The following CALN1 variants were observed in gnomAD, a reference collection of about 807,000 sequenced individuals.
CALN1 encodes calcium-binding protein 8.
A neutral mutation model predicts 30.6 loss-of-function variants in CALN1; 17 were observed. That is an observed-to-expected ratio of 0.56 (90% CI 0.38 to 0.83). The LOEUF (loss-of-function observed/expected upper bound fraction) is 0.83. Ranked by LOEUF, CALN1 falls within the 40% of genes least tolerant of loss-of-function variation. CALN1 has a pLI of 0.00. For synonymous variants in CALN1, 156 were observed against 131.4 expected (o/e 1.19, Z -1.28); for missense variants, 291 against 354.9 (o/e 0.82, Z 1.45).
intron 4 of CALN1, among the ~76,000 whole-genome samples, chr7:72,041,332 G>T (rs999622057): frequency 6.6e-6 from 1 of 152,034 alleles, no homozygotes; most frequent in Non-Finnish European, 1.5e-5. Flanking sequence ...TGGAGTGAGG[G>T]GATGGGGGTG....
chr7:72,007,527 A>G (rs1196796953), intron 5 of CALN1, among the ~76,000 whole-genome samples: 1 of 152,224 alleles, frequency 6.6e-6, no homozygotes, highest in Non-Finnish European at 1.5e-5. Flanking sequence ...AGCCTGGGCA[A>G]GAGAGCGAGA....
intron 4 of CALN1, among the ~76,000 whole-genome samples, chr7:72,098,884 C>T (rs1440982403): frequency 6.6e-6 from 1 of 151,844 alleles, no homozygotes; most frequent in Non-Finnish European, 1.5e-5. Context: ...CATTCTGTCC[C>T]CTGGGAATGT....
At chr7:72,206,691 G>GA (rs554145187) in intron 3 of CALN1, among the ~76,000 whole-genome samples, 128 of 151,256 alleles carry the variant, frequency 8.5e-4, no homozygotes, top group African/African-American at 2.2e-3. Context: ...TGTTTTCAAA[G>GA]AAAAAAAAAT....
Position 72,313,337 on chromosome 7 carries a change from CAAT to C in CALN1, c.120-34530_120-34528del, listed in dbSNP as rs1268372950. On this transcript the variant is annotated intron_variant, in intron 2 of 6. Transcript: ENST00000395275. Reference sequence around the variant, plus strand: ...CGAAAAAACATTTGGAAAAAAATAACAATAAAGTTACATCCCTATATCCTACCA... The same window carrying C: ...CGAAAAAACATTTGGAAAAAAATAACAAAGTTACATCCCTATATCCTACCA... Among the ~76,000 whole-genome samples, 9 of 151,960 alleles carry C rather than the reference CAAT, an allele frequency of 5.9e-5. No homozygotes were observed. The East Asian group carries it at 9.6e-4, about 16-fold the overall frequency.
chr7:72,378,278 T>C (rs1278206741), intron 2 of CALN1, among the ~76,000 whole-genome samples: 1 of 152,214 alleles, frequency 6.6e-6, no homozygotes, highest in Non-Finnish European at 1.5e-5. Flanking sequence ...ACATGTGGGC[T>C]ATCATTTCAA....
At chr7:72,336,292 G>A (rs770118507) in intron 2 of CALN1, among the ~76,000 whole-genome samples, 7 of 152,048 alleles carry the variant, frequency 4.6e-5, no homozygotes, top group Non-Finnish European at 1.0e-4. Flanking sequence ...GCGGCTCCGA[G>A]TCCCCTGCCC....
intron 3 of CALN1, among the ~76,000 whole-genome samples, chr7:72,155,182 C>T (rs549750793): frequency 5.9e-4 from 90 of 152,312 alleles, no homozygotes; most frequent in African/African-American, 1.9e-3. Context: ...TGACCATCTG[C>T]AAGGCAGAAA....
At chr7:72,409,516 T>C (rs1036625868) in intron 1 of CALN1, among the ~76,000 whole-genome samples, 2 of 150,000 alleles carry the variant, frequency 1.3e-5, no homozygotes, top group East Asian at 2.1e-4. Flanking sequence ...CCAACCTCAT[T>C]ATTTCAGCGT....
intron 1 of CALN1, among the ~76,000 whole-genome samples, chr7:72,440,036 G>T (rs370425834): frequency 1.1e-4 from 17 of 152,144 alleles, no homozygotes; most frequent in Admixed American, 7.9e-4. Flanking sequence ...TATTCTTTTC[G>T]AATTAAATGC....
At chr7:72,061,196 T>C (rs1803623248) in intron 4 of CALN1, among the ~76,000 whole-genome samples, 2 of 152,124 alleles carry the variant, frequency 1.3e-5, no homozygotes, top group South Asian at 4.1e-4. Context: ...AGAGCCGGGA[T>C]CTCATAACGT....
At position 72,320,755 on chromosome 7, in the gene CALN1, A is replaced by G. The variant is rs1328977856; in HGVS notation, c.120-41945T>C. Among the ~76,000 whole-genome samples, 4 of 147,092 alleles carry G rather than the reference A, an allele frequency of 2.7e-5. No homozygotes were observed. The Admixed American group carries it at 2.9e-4, about 11-fold the overall frequency. On this transcript the variant is annotated intron_variant, in intron 2 of 6. Transcript: ENST00000395275. ...GAGCCTGAGACAGGAGAATTGCTTG[A>G]GCCAGGGAGGCGGAGGTTGCAGTGA...
chr7:72,067,514 T>C (rs1457844309), intron 4 of CALN1, among the ~76,000 whole-genome samples: 1 of 152,088 alleles, frequency 6.6e-6, no homozygotes, highest in African/African-American at 2.4e-5. Context: ...CCTCCGGAAG[T>C]GTTGGAATTA....
chr7:72,032,742 A>C (rs1290679172), intron 4 of CALN1, among the ~76,000 whole-genome samples: 1 of 152,164 alleles, frequency 6.6e-6, no homozygotes, highest in African/African-American at 2.4e-5. Context: ...TGCAGTCAGG[A>C]TCTTAGTAAT....
chr7:72,131,086 G>A (rs1481687913), intron 3 of CALN1, among the ~76,000 whole-genome samples: 1 of 152,176 alleles, frequency 6.6e-6, no homozygotes, highest in African/African-American at 2.4e-5. Context: ...ATGATGCTGA[G>A]TGAGATCTGT....
chr7:72,409,549 T>G (rs1277198785), intron 1 of CALN1, among the ~76,000 whole-genome samples: 1 of 151,748 alleles, frequency 6.6e-6, no homozygotes, highest in Non-Finnish European at 1.5e-5. Context: ...GCAACCAATC[T>G]GGTGCATGGG....
At chr7:72,279,990 AT>A (rs1797626062) in intron 2 of CALN1, among the ~76,000 whole-genome samples, 1 of 152,166 alleles carries the variant, frequency 6.6e-6, no homozygotes, top group Non-Finnish European at 1.5e-5. Context: ...ACCCCTGAAA[AT>A]TAAAAGGTTT....
chr7:72,376,487 GCTTA>G (rs1440197419), intron 2 of CALN1, among the ~76,000 whole-genome samples: 5 of 152,118 alleles, frequency 3.3e-5, no homozygotes, highest in African/African-American at 9.7e-5. Context: ...TCTTTCATGT[GCTTA>G]CTGACTACTT....
chr7:72,000,241 A>G (rs1449797080), intron 5 of CALN1, among the ~76,000 whole-genome samples: 3 of 152,120 alleles, frequency 2.0e-5, no homozygotes, highest in Non-Finnish European at 2.9e-5. Flanking sequence ...AAACAAAAGC[A>G]TATTTTTCAA....
At chr7:72,154,561 G>C (rs141133059) in intron 3 of CALN1, among the ~76,000 whole-genome samples, 2 of 152,160 alleles carry the variant, frequency 1.3e-5, no homozygotes, top group African/African-American at 4.8e-5. Context: ...CTGAACACCC[G>C]AGATGTAAAT....
Sources: allele counts gnomAD v4.1 joint callset (sites outside exome capture counted in the v4.1 genomes callset), GRCh38; gene constraint gnomAD v4.1.1; transcripts MANE v1.5; gene names NCBI Gene and HGNC (gene_info 2026-07-23, HGNC 2026-07-21).